The following ERI3 variants were observed in gnomAD, a reference collection of about 807,000 sequenced individuals.
The protein encoded by ERI3 is ERI1 exoribonuclease family member 3.
In ERI3, 18 loss-of-function variants were observed where a neutral mutation model predicts 44.4. The ratio of observed to expected loss-of-function variants is 0.41; its 90% CI spans 0.28 to 0.60. The LOEUF (loss-of-function observed/expected upper bound fraction) is 0.60. ERI3 is among the 20% of genes least tolerant of loss of function. The pLI is 0.36. For synonymous variants in ERI3, 183 were observed against 164.8 expected (o/e 1.11, Z -0.84); for missense variants, 294 against 435.5 (o/e 0.68, Z 2.89).
rs1460581193 is a variant in ERI3 at position 44,299,594 on chromosome 1, A to G, written c.758+8716T>C. Among the ~76,000 whole-genome samples the G allele has an allele frequency of 6.6e-5, 10 of 152,190 alleles. No homozygotes were observed. In the South Asian group the frequency reaches 1.2e-3, roughly 19 times the overall value. ...AAGGAAAATATTTTCCAGGAGCACC[A>G]GTGGTTCCTTCTTGGAGCTTGGGAA... On this transcript the variant is annotated intron_variant, in intron 6 of 8. Transcript: ENST00000372257.
chr1:44,341,806 C>G (rs1646660080), intron 2 of ERI3, among the ~76,000 whole-genome samples: 1 of 152,150 alleles, frequency 6.6e-6, no homozygotes, highest in South Asian at 2.1e-4. Flanking sequence ...AGGAAGATCA[C>G]TTGAGCCCAG....
At chr1:44,247,104 TG>T (rs1367030779) in intron 8 of ERI3, among the ~76,000 whole-genome samples, 2 of 152,100 alleles carry the variant, frequency 1.3e-5, no homozygotes, top group Non-Finnish European at 2.9e-5. Context: ...ACACACAGAT[TG>T]GTAGCTGCTT....
chr1:44,284,889 C>G lies in ERI3; in HGVS notation c.777G>C (p.Gln259His). ...AATCCGCCACTGGCAAGCCCAAGTA[C>G]TGGCACTGGCCTGGGAGCCTACAAA... ...DLKVMLPGQC[Q>H]YLGLPVADYF... The change falls in exon 7 of 9, where the codon CAG (glutamine) becomes CAC (histidine). Residue 259 changes from glutamine to histidine, a missense_variant. By Grantham distance (24) the Gln-to-His change is conservative. Transcript: ENST00000372257. 18 of 1,614,066 alleles carry G rather than the reference C, an allele frequency of 1.1e-5. No individual in the cohort carries two copies. Among genetic ancestry groups the G allele is most frequent in the Non-Finnish European group, 1.5e-5 (18 of 1,179,986 alleles).
intron 7 of ERI3, among the ~76,000 whole-genome samples, chr1:44,277,906 C>T (rs1309094261): frequency 2.0e-5 from 3 of 152,152 alleles, no homozygotes; most frequent in Non-Finnish European, 4.4e-5. Flanking sequence ...AATGTAGGTA[C>T]ATAACCATAG....
At chr1:44,244,969 T>C (rs1293115179) in intron 8 of ERI3, among the ~76,000 whole-genome samples, 1 of 152,004 alleles carries the variant, frequency 6.6e-6, no homozygotes, top group Non-Finnish European at 1.5e-5. Flanking sequence ...CAATGCTGCC[T>C]TACCCCCCCA....
intron 6 of ERI3, among the ~76,000 whole-genome samples, chr1:44,300,051 A>G (rs1645691244): frequency 6.6e-6 from 1 of 152,192 alleles, no homozygotes; most frequent in Non-Finnish European, 1.5e-5. Flanking sequence ...GGAGGAGGTG[A>G]TAAGACTCTC....
intron 5 of ERI3, among the ~76,000 whole-genome samples, chr1:44,311,270 C>T (rs1229635019): frequency 6.6e-6 from 1 of 152,122 alleles, no homozygotes; most frequent in Non-Finnish European, 1.5e-5. Context: ...CAGTGGGGTC[C>T]CTGGAATCTT....
At chr1:44,279,206 A>T (rs532975566) in intron 7 of ERI3, among the ~76,000 whole-genome samples, 1 of 151,712 alleles carries the variant, frequency 6.6e-6, no homozygotes, top group African/African-American at 2.4e-5. Context: ...TTTAATTATC[A>T]ATCACAGACC....
intron 7 of ERI3, among the ~76,000 whole-genome samples, chr1:44,281,878 A>ATGTATGTGTG (rs1206512380): frequency 1.6e-5 from 2 of 126,966 alleles, no homozygotes; most frequent in African/African-American, 2.9e-5. Flanking sequence ...ACATGTGCAT[A>ATGTATGTGTG]TGTGTGTGTG....
intron 8 of ERI3, among the ~76,000 whole-genome samples, chr1:44,222,132 T>G (rs2154314669): frequency 1.3e-5 from 2 of 152,310 alleles, no homozygotes; most frequent in South Asian, 4.1e-4. Flanking sequence ...TTCGTGTGTG[T>G]GGGAGATGTG....
chr1:44,316,329 C>T (rs1646087696), intron 4 of ERI3, among the ~76,000 whole-genome samples: 1 of 152,162 alleles, frequency 6.6e-6, no homozygotes, highest in African/African-American at 2.4e-5. Flanking sequence ...TTAATGTGTG[C>T]TCTGTGGCTC....
At chr1:44,278,538 TA>T (rs1313347083) in intron 7 of ERI3, among the ~76,000 whole-genome samples, 12 of 152,144 alleles carry the variant, frequency 7.9e-5, no homozygotes, top group Non-Finnish European at 1.8e-4. Context: ...ATTAACAGTT[TA>T]AAATGTAGAT....
intron 6 of ERI3, among the ~76,000 whole-genome samples, chr1:44,295,445 C>T (rs1465663952): frequency 6.6e-6 from 1 of 152,184 alleles, no homozygotes; most frequent in Non-Finnish European, 1.5e-5. Context: ...GTCCTGATCA[C>T]TTGGCAGTCC....
chr1:44,243,072 T>C (rs1572094306), intron 8 of ERI3, among the ~76,000 whole-genome samples: 1 of 152,240 alleles, frequency 6.6e-6, no homozygotes, highest in East Asian at 1.9e-4. Flanking sequence ...GACTGGACTC[T>C]TGATAGACAC....
intron 4 of ERI3, among the ~76,000 whole-genome samples, chr1:44,317,347 T>C (rs1646110771): frequency 6.6e-6 from 1 of 152,184 alleles, no homozygotes; most frequent in Non-Finnish European, 1.5e-5. Flanking sequence ...GGTTTCAGAA[T>C]GACAGCCCCC....
intron 5 of ERI3, among the ~76,000 whole-genome samples, chr1:44,311,215 A>G (rs1463891399): frequency 6.6e-6 from 1 of 152,140 alleles, no homozygotes; most frequent in Admixed American, 6.5e-5. Flanking sequence ...ACAGGAGGCC[A>G]CACTCAGCAA....
chr1:44,344,211 C>A (rs1646740143), intron 2 of ERI3, among the ~76,000 whole-genome samples: 1 of 150,500 alleles, frequency 6.6e-6, no homozygotes, highest in Admixed American at 6.7e-5. Flanking sequence ...ACACTCCAGC[C>A]TGGGTGACAG....
chr1:44,329,175 C>T (rs149122684), intron 3 of ERI3, among the ~76,000 whole-genome samples: 1 of 152,322 alleles, frequency 6.6e-6, no homozygotes, highest in Non-Finnish European at 1.5e-5. Flanking sequence ...GAAGACCGCT[C>T]ATTACAGACA....
At chr1:44,287,281 C>T (rs367859076) in intron 6 of ERI3, among the ~76,000 whole-genome samples, 1 of 152,220 alleles carries the variant, frequency 6.6e-6, no homozygotes, top group South Asian at 2.1e-4. Flanking sequence ...GATAAGACAG[C>T]GGAGATTACA....
Sources: allele counts gnomAD v4.1 joint callset (sites outside exome capture counted in the v4.1 genomes callset), GRCh38; gene constraint gnomAD v4.1.1; transcripts MANE v1.5; gene names NCBI Gene and HGNC (gene_info 2026-07-23, HGNC 2026-07-21).